FGD6: variants seen among roughly 807,000 people sequenced by gnomAD.
The protein encoded by FGD6 is FYVE, RhoGEF and PH domain-containing protein 6.
Under a neutral mutation model 149.4 loss-of-function variants are expected in FGD6, and 90 were observed. The observed-to-expected ratio is 0.60, with a 90% confidence interval of 0.51 to 0.72. The LOEUF is 0.72. FGD6 is among the 30% of genes least tolerant of loss of function. The pLI, the probability that FGD6 is intolerant of heterozygous loss-of-function variation, is 0.00. For synonymous variants in FGD6, 527 were observed against 584.0 expected, an observed-to-expected ratio of 0.90 and a Z score of 1.41; for missense variants, 1,437 against 1,684.8, an observed-to-expected ratio of 0.85 and a Z score of 2.57.
intron 14 of FGD6, among the ~76,000 whole-genome samples, chr12:95,098,791 C>T (rs945772739): frequency 1.3e-5 from 2 of 152,004 alleles, no homozygotes; most frequent in African/African-American, 4.8e-5. Flanking sequence ...CACCACAATA[C>T]TTAATTGTGT....
chr12:95,179,264 G>T (rs10859844), intron 2 of FGD6, among the ~76,000 whole-genome samples: 97,000 of 151,382 alleles, frequency 0.64, 31,204 homozygotes, highest in Admixed American at 0.67. Context: ...GGAGGCTGTG[G>T]GGGGTGGGGG....
In FGD6 at chr12:95,096,218, C is replaced by T. The variant is rs117734756; in HGVS notation, c.3498-1524G>A. Among the ~76,000 whole-genome samples, 280 of 151,894 alleles carry T rather than the reference C, an allele frequency of 1.8e-3. No individual in the cohort carries two copies. The East Asian group carries it at 0.026, about 14-fold the overall frequency. Reference sequence around the variant, plus strand: ...GTGTTTCTAAAATAAAAAATTCCACCATTAATAATGGTACATATAGACATA... The same window carrying T: ...GTGTTTCTAAAATAAAAAATTCCACTATTAATAATGGTACATATAGACATA... On this transcript the variant is annotated intron_variant, in intron 14 of 20. Transcript: ENST00000343958.
intron 3 of FGD6, among the ~76,000 whole-genome samples, chr12:95,164,437 CT>C (rs553775842): frequency 4.8e-5 from 7 of 145,496 alleles, no homozygotes; most frequent in African/African-American, 7.6e-5. Context: ...TTATCCATTC[CT>C]TTTTTTTTTG....
At chr12:95,081,780 G>C (rs889899650) in intron 20 of FGD6, among the ~76,000 whole-genome samples, 3 of 151,380 alleles carry the variant, frequency 2.0e-5, no homozygotes, top group Admixed American at 2.0e-4. Flanking sequence ...TGCTTCCTGG[G>C]TTCAAGCGAT....
chr12:95,213,909 T>G (rs1301961185), intron 1 of FGD6, among the ~76,000 whole-genome samples: 1 of 152,240 alleles, frequency 6.6e-6, no homozygotes, highest in Non-Finnish European at 1.5e-5. Flanking sequence ...GTCACAGACA[T>G]AACTCAGGGA....
At chr12:95,161,336 A>G (rs1313835153) in intron 3 of FGD6, among the ~76,000 whole-genome samples, 1 of 152,130 alleles carries the variant, frequency 6.6e-6, no homozygotes, top group Admixed American at 6.5e-5. Context: ...TCTCCACTAA[A>G]AATACAAAAA....
intron 1 of FGD6, among the ~76,000 whole-genome samples, chr12:95,211,546 T>TC (rs778501246): frequency 4.6e-5 from 7 of 151,094 alleles, no homozygotes; most frequent in Non-Finnish European, 8.9e-5. Context: ...TTTCTTCTTT[T>TC]TTTTTTTTTG....
intron 5 of FGD6, among the ~76,000 whole-genome samples, chr12:95,149,764 T>G (rs1388514345): frequency 6.9e-6 from 1 of 145,676 alleles, no homozygotes; most frequent in Non-Finnish European, 1.5e-5. Context: ...ACATATAGTA[T>G]TATATATAGT....
chr12:95,107,490 A>G (rs932898214), intron 12 of FGD6, 73 bp downstream of exon 12: 26 of 1,441,780 alleles, frequency 1.8e-5, no homozygotes, highest in Admixed American at 1.2e-4. Flanking sequence ...CTTATCTACC[A>G]TGTATAAACG....
chr12:95,175,957 GAGC>G (rs1039124634), intron 2 of FGD6, among the ~76,000 whole-genome samples: 5 of 152,052 alleles, frequency 3.3e-5, no homozygotes, highest in Non-Finnish European at 5.9e-5. Flanking sequence ...TAAAACAAGG[GAGC>G]AGATTTTAAA....
chr12:95,210,034 G>A lies in FGD6; in HGVS notation c.1250C>T (p.Ser417Phe). The A allele has an allele frequency of 5.6e-6, 9 of 1,613,974 alleles. No homozygotes were observed. Among genetic ancestry groups the A allele is most frequent in the Non-Finnish European group, 7.6e-6 (9 of 1,179,990 alleles). Residue 417 changes from serine to phenylalanine, a missense_variant, in exon 2 of 21, where the codon TCT becomes TTT. Coordinates refer to ENST00000343958, the MANE Select transcript of FGD6 (RefSeq NM_018351.4). ...ACTCAAATTAGAGTCTTTATCAAAA[G>A]AAGGTGCCATTTTTTCAAAGGAAGT... ...ETTSFEKMAP[S>F]FDKDSNLSSD...
intron 2 of FGD6, chr12:95,189,143 G>A (rs1003245392): frequency 2.0e-5 from 3 of 152,104 alleles, no homozygotes; most frequent in Non-Finnish European, 2.9e-5. Context: ...CCCCACACCC[G>A]TGTTCACAGT....
intron 2 of FGD6, among the ~76,000 whole-genome samples, chr12:95,187,250 G>C (rs1050666517): frequency 2.6e-5 from 4 of 151,582 alleles, no homozygotes; most frequent in African/African-American, 4.9e-5. Flanking sequence ...AGAATGGCAT[G>C]AACCCAGGAG....
In FGD6 at chr12:95,217,275, C is replaced by T. The variant is rs748922779; in HGVS notation, c.-35G>A. 4.4e-6 allele frequency: 7 copies of T among 1,597,686 alleles called. No individual in the cohort carries two copies. The Admixed American group carries it at 1.2e-4, about 27-fold the overall frequency. On this transcript the variant is annotated 5_prime_UTR_variant, in exon 1 of 21. Transcript: ENST00000343958. ...GTGCAGCTCGCTTCCCCGCTCGGCC[C>T]CTCAATCCATCTTCCCCTTTCAGTC...
At chr12:95,097,634 C>CAAAAAAA (rs34057454) in intron 14 of FGD6, among the ~76,000 whole-genome samples, 18 of 43,388 alleles carry the variant, frequency 4.1e-4, no homozygotes, top group African/African-American at 1.8e-3. Flanking sequence ...GACTCTGTCT[C>CAAAAAAA]AAAAAAAAAA....
intron 7 of FGD6, among the ~76,000 whole-genome samples, chr12:95,137,263 G>C (rs1472799183): frequency 1.3e-5 from 2 of 152,092 alleles, no homozygotes; most frequent in Admixed American, 6.6e-5. Context: ...CTGGGCAACA[G>C]AGCAAGACTC....
chr12:95,125,033 A>T (rs536176963), intron 8 of FGD6, among the ~76,000 whole-genome samples: 29 of 151,850 alleles, frequency 1.9e-4, no homozygotes, highest in South Asian at 6.3e-4. Context: ...GCAAAAAAAA[A>T]TTTTTTTTTA....
chr12:95,141,469 T>C lies in FGD6; in HGVS notation c.2756A>G (p.Asn919Ser). ...GKPVIEDRIL[N>S]QILYYLPQLY... Reference sequence around the variant, plus strand: ...CTGAGGCAAGTAGTATAGGATCTGATTTAGAATCCGGTCCTCAATCACTGG... The same window carrying C: ...CTGAGGCAAGTAGTATAGGATCTGACTTAGAATCCGGTCCTCAATCACTGG... The change falls in exon 6 of 21, where the codon AAT (asparagine) becomes AGT (serine). Residue 919 changes from asparagine to serine, a missense_variant. Coordinates refer to ENST00000343958, the MANE Select transcript of FGD6 (RefSeq NM_018351.4). 2 of 1,614,166 alleles carry C rather than the reference T, an allele frequency of 1.2e-6. No individual in the cohort carries two copies. The highest frequency in any genetic ancestry group is 1.7e-6 in the Non-Finnish European group (2 of 1,180,028).
At chr12:95,148,757 A>G (rs1311559648) in intron 5 of FGD6, among the ~76,000 whole-genome samples, 3 of 88,906 alleles carry the variant, frequency 3.4e-5, no homozygotes, top group African/African-American at 1.5e-4. Flanking sequence ...AATACATAGC[A>G]TATGTTATAT....
Sources: gnomAD v4.1 joint callset for allele counts (sites outside exome capture counted in the v4.1 genomes callset) on GRCh38, gnomAD v4.1.1 for gene constraint, MANE v1.5 for transcripts, NCBI Gene and HGNC (gene_info 2026-07-23, HGNC 2026-07-21) for gene names.